Variants in ASB18 observed in about 807,000 individuals in gnomAD.
ASB18 encodes ankyrin repeat and SOCS box protein 18.
A neutral mutation model predicts 33.4 loss-of-function variants in ASB18; 33 were observed. That is an observed-to-expected ratio of 0.99 (90% confidence interval 0.75 to 1.32). The LOEUF (loss-of-function observed/expected upper bound fraction) is 1.32, where lower values mean the gene tolerates loss of function less well. Among genes scored for constraint, ASB18 ranks in the 40% most tolerant of loss-of-function variants. The probability of loss-of-function intolerance (pLI) is 0.00; values close to 1 mark genes in which losing one functional copy is unlikely to be tolerated. For missense variants in ASB18, 694 were observed against 655.5 expected (o/e 1.06, Z -0.64); for synonymous variants, 295 against 307.6 (o/e 0.96, Z 0.43).
rs11885332 is a variant in ASB18, at chr2:236,216,930, G to A, written c.597-2064C>T. ...TATGGTGCTGAGAGCACACTCTGCC[G>A]TGCCATGCCCCCATGCCCTCTGCTT... is the stretch of plus-strand genomic sequence containing the variant. On this transcript the variant is annotated intron_variant, in intron 3 of 5. Coordinates refer to ENST00000409749, the MANE Select transcript of ASB18 (RefSeq NM_212556.4). This position sits in a 1 kb window ranked among gnomAD's most constrained non-coding sequence, Gnocchi z 6.1. Among the ~76,000 whole-genome samples the A allele has an allele frequency of 0.19, 28,448 of 151,932 alleles. 3,087 individuals are homozygous for A. The highest frequency in any genetic ancestry group is 0.3 in the Middle Eastern group (87 of 294).
rs1276512443 is a variant in ASB18, at chr2:236,229,511, G to T, written c.596+8178C>A. On this transcript the variant is annotated intron_variant, in intron 3 of 5. Coordinates refer to ENST00000409749, the MANE Select transcript of ASB18 (RefSeq NM_212556.4). The surrounding 1 kb of genome is among the most constrained non-coding windows in gnomAD (Gnocchi z 5.2). ...TGGATGAAAAGCATATAAACCCACA[G>T]ATCCAAGATACTCAATGAATCCCAA... Among the ~76,000 whole-genome samples the T allele has an allele frequency of 6.6e-6, 1 of 152,104 alleles. No homozygotes were observed. Among genetic ancestry groups the T allele is most frequent in the Non-Finnish European group, 1.5e-5 (1 of 68,024 alleles).
Position 236,250,320 on chromosome 2 carries a change from T to C in ASB18, c.206-8918A>G, listed in dbSNP as rs902133449. ...CTTTCCATGCCTTCAAGCCAAGAGG[T>C]AGAATTTTTGAGGCTGCAGGACACC... On this transcript the variant is annotated intron_variant, in intron 1 of 5. Transcript: ENST00000409749. This position sits in a 1 kb window ranked among gnomAD's most constrained non-coding sequence, Gnocchi z 4.1. The C allele has an allele frequency of 1.3e-5, 2 of 152,128 alleles. No homozygotes were observed. Among genetic ancestry groups the C allele is most frequent in the Non-Finnish European group, 2.9e-5 (2 of 68,024 alleles). The allele number at this position is 152,128 out of a possible 1,614,324, so 9.4% of individuals were successfully genotyped here.
rs2060658245 is a variant in ASB18 at position 236,249,074 on chromosome 2, T to A, written c.206-7672A>T. The stretch of plus-strand genomic sequence containing the variant: ...TTTAGATGGCATAAATGCAGCAAAT[T>A]ATTTGAAAACATTCAAAGCATGTCT... On this transcript the variant is annotated intron_variant, in intron 1 of 5. Coordinates refer to ENST00000409749, the MANE Select transcript of ASB18 (RefSeq NM_212556.4). The surrounding 1 kb of genome is among the most constrained non-coding windows in gnomAD (Gnocchi z 4.6). 1 of 152,264 alleles carries A rather than the reference T, an allele frequency of 6.6e-6. No homozygotes were observed. Among genetic ancestry groups the A allele is most frequent in the African/African-American group, 2.4e-5 (1 of 41,474 alleles). 9.4% of individuals were successfully genotyped at this position (152,264 alleles called of 1,614,324 possible).
Position 236,241,771 on chromosome 2 carries a change from A to C in ASB18, c.206-369T>G, listed in dbSNP as rs1190901122. On this transcript the variant is annotated intron_variant, in intron 1 of 5. Transcript: ENST00000409749. The surrounding 1 kb of genome is among the most constrained non-coding windows in gnomAD (Gnocchi z 4.2). ...AGATGCTAACTCTGGAGACAGACAC[A>C]TCTGGATAGCTCCAAAGCAGCTCTC... Among the ~76,000 whole-genome samples, 1 of 152,198 alleles carries C rather than the reference A, an allele frequency of 6.6e-6. No homozygotes were observed. Among genetic ancestry groups the C allele is most frequent in the African/African-American group, 2.4e-5 (1 of 41,456 alleles).
At position 236,223,025 on chromosome 2, in the gene ASB18, A is replaced by G. The variant is rs2060519463; in HGVS notation, c.597-8159T>C. Among the ~76,000 whole-genome samples the G allele has an allele frequency of 6.6e-6, 1 of 152,076 alleles. No individual in the cohort carries two copies. The highest frequency in any genetic ancestry group is 2.1e-4 in the South Asian group (1 of 4,824). ...ACAGAGCGAGACTCCGTCTCCAAAA[A>G]AAGGTGTGTGACACCCCCCATCCCT... On this transcript the variant is annotated intron_variant, in intron 3 of 5. Transcript: ENST00000409749. The surrounding 1 kb of genome is among the most constrained non-coding windows in gnomAD (Gnocchi z 4.6).
rs972245368 is a variant in ASB18, at chr2:236,228,085, C to T, written c.596+9604G>A. On this transcript the variant is annotated intron_variant, in intron 3 of 5. Transcript: ENST00000409749. This position sits in a 1 kb window ranked among gnomAD's most constrained non-coding sequence, Gnocchi z 5.1. ...TCACAAGATGATACCTTTTTACATC[C>T]CAGCAAATCATCTATCAGATGAGTC... Among the ~76,000 whole-genome samples the T allele has an allele frequency of 4.6e-5, 7 of 152,090 alleles. No individual in the cohort carries two copies. Among genetic ancestry groups the T allele is most frequent in the African/African-American group, 1.7e-4 (7 of 41,404 alleles).
chr2:236,207,391 A>G (rs568028272), intron 4 of ASB18, among the ~76,000 whole-genome samples: 1 of 152,314 alleles, frequency 6.6e-6, no homozygotes, highest in South Asian at 2.1e-4. Context: ...GATGAATCCC[A>G]CAAGCTATGT....
rs149889496 is a variant in ASB18 at position 236,238,610 on chromosome 2, G to GGTGT, written c.329-658_329-655dup. On this transcript the variant is annotated intron_variant, in intron 2 of 5. Coordinates refer to ENST00000409749, the MANE Select transcript of ASB18 (RefSeq NM_212556.4). This position sits in a 1 kb window ranked among gnomAD's most constrained non-coding sequence, Gnocchi z 5.2. ...GGTTTGTTTCTTTGCGCTTTTTAGG[G>GGTGT]GTGTGTGTGTGTGTGTGTGTAGGGT... Among the ~76,000 whole-genome samples, 18,114 of 150,294 alleles carry GGTGT rather than the reference G, an allele frequency of 0.12. 1,257 individuals are homozygous for GGTGT. The highest frequency in any genetic ancestry group is 0.22 in the Middle Eastern group (64 of 292).
At position 236,223,521 on chromosome 2, in the gene ASB18, G is replaced by T. The variant is rs191236164; in HGVS notation, c.597-8655C>A. ...TGAGAGAAACATTGTATGCATGTAG[G>T]TATGTATGTATATTTTAATACAATA... On this transcript the variant is annotated intron_variant, in intron 3 of 5. Transcript: ENST00000409749. This position sits in a 1 kb window ranked among gnomAD's most constrained non-coding sequence, Gnocchi z 4.6. 1.6e-4 allele frequency among the ~76,000 whole-genome samples: 24 copies of T among 152,300 alleles called. No individual in the cohort carries two copies. In the East Asian group the frequency reaches 4.6e-3, roughly 29 times the overall value.
At position 236,245,592 on chromosome 2, in the gene ASB18, A is replaced by G. The variant is rs1559337259; in HGVS notation, c.206-4190T>C. Reference sequence around the variant, plus strand: ...CCTCCTTGCCTGGCCAGCCTCGCTCATCCTCCAACACAGCTTAGCCTCCCT... The same window carrying G: ...CCTCCTTGCCTGGCCAGCCTCGCTCGTCCTCCAACACAGCTTAGCCTCCCT... On this transcript the variant is annotated intron_variant, in intron 1 of 5. Coordinates refer to ENST00000409749, the MANE Select transcript of ASB18 (RefSeq NM_212556.4). This position sits in a 1 kb window ranked among gnomAD's most constrained non-coding sequence, Gnocchi z 4.7. Among the ~76,000 whole-genome samples the G allele has an allele frequency of 6.6e-6, 1 of 151,992 alleles. No homozygotes were observed. The highest frequency in any genetic ancestry group is 2.1e-4 in the South Asian group (1 of 4,822).
chr2:236,210,090 C>A (rs72620811), intron 4 of ASB18, among the ~76,000 whole-genome samples: 26,228 of 152,196 alleles, frequency 0.17, 2,282 homozygotes, highest in South Asian at 0.25. Flanking sequence ...ACCATGGCAA[C>A]TTCACCTTAG....
chr2:236,202,822 C>CA (rs1264857786), intron 4 of ASB18, among the ~76,000 whole-genome samples: 1 of 138,520 alleles, frequency 7.2e-6, no homozygotes, highest in South Asian at 2.5e-4. Context: ...TATACACACA[C>CA]CTATAGTTCT....
rs1318917165 is a variant in ASB18, at chr2:236,259,757, C to T, written c.205+4384G>A. ...GCAGGTGCCTTCACAAGGGCACAGG[C>T]CAGTTGCCTGTTTAAGAGAATTCTG... On this transcript the variant is annotated intron_variant, in intron 1 of 5. Coordinates refer to ENST00000409749, the MANE Select transcript of ASB18 (RefSeq NM_212556.4). This position sits in a 1 kb window ranked among gnomAD's most constrained non-coding sequence, Gnocchi z 4.4. Among the ~76,000 whole-genome samples, 1 of 152,198 alleles carries T rather than the reference C, an allele frequency of 6.6e-6. No homozygotes were observed. The highest frequency in any genetic ancestry group is 1.5e-5 in the Non-Finnish European group (1 of 68,024).
Position 236,196,526 on chromosome 2 carries a change from G to C in ASB18, c.1102-141C>G. Reference sequence around the variant, plus strand: ...AAGCCACACAGGGAACAGCAACAGAGCAGTACCACAGGGTTGCTGCAGGGA... The same window carrying C: ...AAGCCACACAGGGAACAGCAACAGACCAGTACCACAGGGTTGCTGCAGGGA... On this transcript the variant is annotated intron_variant, in intron 4 of 5. Coordinates refer to ENST00000409749, the MANE Select transcript of ASB18 (RefSeq NM_212556.4). The surrounding 1 kb of genome is among the most constrained non-coding windows in gnomAD (Gnocchi z 5.6). The C allele has an allele frequency of 3.2e-6, 2 of 629,768 alleles. No individual in the cohort carries two copies. Among genetic ancestry groups the C allele is most frequent in the Non-Finnish European group, 5.8e-6 (2 of 344,440 alleles). 39.0% of individuals were successfully genotyped at this position (629,768 alleles called of 1,614,324 possible). A position where few individuals can be genotyped will look rare whatever the true frequency, so the allele number is the denominator to read the frequency against.
In ASB18 at chr2:236,263,666, GC is replaced by G. The variant is rs1310047903; in HGVS notation, c.205+474del. The stretch of plus-strand genomic sequence containing the variant: ...AATCCTAATAAAGATGTTCGTTACA[GC>G]ATTATTTATAGAAGCAAAAAGGTAA... On this transcript the variant is annotated intron_variant, in intron 1 of 5. Coordinates refer to ENST00000409749, the MANE Select transcript of ASB18 (RefSeq NM_212556.4). This position sits in a 1 kb window ranked among gnomAD's most constrained non-coding sequence, Gnocchi z 4.0. 6.6e-6 allele frequency among the ~76,000 whole-genome samples: 1 copy of G among 152,174 alleles called. No individual in the cohort carries two copies. Among genetic ancestry groups the G allele is most frequent in the Non-Finnish European group, 1.5e-5 (1 of 68,036 alleles).
rs183916617 is a variant in ASB18 at position 236,219,530 on chromosome 2, A to G, written c.597-4664T>C. On this transcript the variant is annotated intron_variant, in intron 3 of 5. Transcript: ENST00000409749. This position sits in a 1 kb window ranked among gnomAD's most constrained non-coding sequence, Gnocchi z 6.4. Reference sequence around the variant, plus strand: ...GGCTGGCTGGGAGCTACTCAGTGATAACAATCGTGGGGACCTCTCAGACCT... The same window carrying G: ...GGCTGGCTGGGAGCTACTCAGTGATGACAATCGTGGGGACCTCTCAGACCT... 6.6e-6 allele frequency among the ~76,000 whole-genome samples: 1 copy of G among 152,224 alleles called. No homozygotes were observed. The highest frequency in any genetic ancestry group is 2.4e-5 in the African/African-American group (1 of 41,528).
rs2060422321 is a variant in ASB18, at chr2:236,204,279, T to C, written c.1102-7894A>G. On this transcript the variant is annotated intron_variant, in intron 4 of 5. Coordinates refer to ENST00000409749, the MANE Select transcript of ASB18 (RefSeq NM_212556.4). This position sits in a 1 kb window ranked among gnomAD's most constrained non-coding sequence, Gnocchi z 5.1. Reference sequence around the variant, plus strand: ...GCTCTGCCTCACTTTACTTGCTGTGTCAGCCACGCCTGACATGTTGACGAT... The same window carrying C: ...GCTCTGCCTCACTTTACTTGCTGTGCCAGCCACGCCTGACATGTTGACGAT... Among the ~76,000 whole-genome samples, 1 of 152,308 alleles carries C rather than the reference T, an allele frequency of 6.6e-6. No individual in the cohort carries two copies. The highest frequency in any genetic ancestry group is 2.4e-5 in the African/African-American group (1 of 41,574).
chr2:236,241,063 T>G lies in ASB18; in HGVS notation c.328+217A>C, dbSNP rs551423942. On this transcript the variant is annotated intron_variant, in intron 2 of 5. Transcript: ENST00000409749. This position sits in a 1 kb window ranked among gnomAD's most constrained non-coding sequence, Gnocchi z 4.2. ...ACACCCAGCGTCATCGGATAGGCAT[T>G]CCCACCAATCGCTGCTTTGCCTTTC... Among the ~76,000 whole-genome samples, 12 of 152,262 alleles carry G rather than the reference T, an allele frequency of 7.9e-5. No individual in the cohort carries two copies. Among genetic ancestry groups the G allele is most frequent in the African/African-American group, 2.9e-4 (12 of 41,546 alleles).
chr2:236,242,225 C>T (rs2060624322), intron 1 of ASB18, among the ~76,000 whole-genome samples: 1 of 152,146 alleles, frequency 6.6e-6, no homozygotes, highest in Non-Finnish European at 1.5e-5. Context: ...ATCCTCTGTC[C>T]CCCACGCCAC....
Sources: gnomAD v4.1 joint callset for allele counts (sites outside exome capture counted in the v4.1 genomes callset) on GRCh38, gnomAD v4.1.1 for gene constraint, Gnocchi (gnomAD v3.1) non-coding constraint, MANE v1.5 for transcripts, NCBI Gene and HGNC (gene_info 2026-07-23, HGNC 2026-07-21) for gene names.